The following GALNT13 variants were observed in gnomAD, a reference collection of about 807,000 sequenced individuals.
The protein encoded by GALNT13 is UDP-GalNAc:polypeptide N-acetylgalactosaminyltransferase 13.
GALNT13 carries 28 observed loss-of-function variants against 64.2 expected under a neutral mutation model. That is an observed-to-expected ratio of 0.44 (90% CI 0.32 to 0.60). The LOEUF (loss-of-function observed/expected upper bound fraction) is 0.60, where lower values mean the gene tolerates loss of function less well. Ranked by LOEUF, GALNT13 falls within the 20% of genes least tolerant of loss-of-function variation. GALNT13 has a pLI of 0.05. For synonymous variants in GALNT13, 214 were observed against 224.6 expected (o/e 0.95, Z 0.42); for missense variants, 577 against 669.8 (o/e 0.86, Z 1.53).
the GALNT13 span, among the ~76,000 whole-genome samples, chr2:153,418,646 A>G: frequency 6.6e-6 from 1 of 152,162 alleles, no homozygotes; most frequent in African/African-American, 2.4e-5. Flanking sequence ...CCTTGACAGG[A>G]GAAGATTTGG....
chr2:153,767,894 T>A, the GALNT13 span, among the ~76,000 whole-genome samples: 62,474 of 151,950 alleles, frequency 0.41, 14,868 homozygotes, highest in Middle Eastern at 0.56. Flanking sequence ...CTCTGATTAT[T>A]TAAGTGGTCT....
chr2:153,811,098 T>A, the GALNT13 span, among the ~76,000 whole-genome samples: 1 of 152,190 alleles, frequency 6.6e-6, no homozygotes. Flanking sequence ...GATATTTATG[T>A]TAGCTATTAT....
chr2:153,738,328 G>A, the GALNT13 span, among the ~76,000 whole-genome samples: 1 of 151,854 alleles, frequency 6.6e-6, no homozygotes, highest in African/African-American at 2.4e-5. Context: ...TGCTCCCCAT[G>A]TCCCAACATG....
intron 11 of GALNT13, among the ~76,000 whole-genome samples, chr2:154,418,881 A>G (rs1700137277): frequency 1.3e-5 from 2 of 152,194 alleles, no homozygotes; most frequent in Non-Finnish European, 2.9e-5. Flanking sequence ...TGATAGCTAG[A>G]AAGAGTGGAC....
intron 3 of GALNT13, among the ~76,000 whole-genome samples, chr2:154,108,154 G>T (rs67890982): frequency 0.19 from 28,689 of 147,768 alleles, 3,353 homozygotes; most frequent in Non-Finnish European, 0.27. Context: ...CTATTTTTTG[G>T]TTTTTTTTTT....
chr2:153,077,578 C>T, the GALNT13 span, among the ~76,000 whole-genome samples: 6 of 152,112 alleles, frequency 3.9e-5, no homozygotes, highest in South Asian at 4.1e-4. Context: ...TTGCTGCTTA[C>T]GACTAGCTGA....
chr2:153,755,218 G>T, the GALNT13 span, among the ~76,000 whole-genome samples: 1 of 152,096 alleles, frequency 6.6e-6, no homozygotes, highest in South Asian at 2.1e-4. Context: ...GTTTTTTAGT[G>T]TAGATAGTTG....
Position 154,217,793 on chromosome 2 carries a change from T to C in GALNT13, c.312-24237T>C, listed in dbSNP as rs77456438. 6.8e-3 allele frequency among the ~76,000 whole-genome samples: 1,030 copies of C among 152,214 alleles called. 8 individuals are homozygous for C. The highest frequency in any genetic ancestry group is 0.024 in the African/African-American group (996 of 41,548). ...GAAGTATATAAAGTGGGAAGTAAAA[T>C]GAAAAATATGCTGTCCTCACAAAAC... On this transcript the variant is annotated intron_variant, in intron 4 of 12. Transcript: ENST00000392825.
At chr2:154,268,620 C>T (rs906660448) in intron 8 of GALNT13, among the ~76,000 whole-genome samples, 3 of 151,732 alleles carry the variant, frequency 2.0e-5, no homozygotes, top group Non-Finnish European at 4.4e-5. Context: ...AAAACACACA[C>T]ACACAGAGAG....
the GALNT13 span, among the ~76,000 whole-genome samples, chr2:153,087,350 A>G: frequency 6.6e-6 from 1 of 152,114 alleles, no homozygotes; most frequent in African/African-American, 2.4e-5. Context: ...ATGGTGGATT[A>G]TCTTTTTGAT....
the GALNT13 span, among the ~76,000 whole-genome samples, chr2:153,487,124 C>T: frequency 1.3e-5 from 2 of 152,146 alleles, no homozygotes; most frequent in African/African-American, 4.8e-5. Flanking sequence ...AGGAGGAAAA[C>T]GAAATCTCTA....
the GALNT13 span, among the ~76,000 whole-genome samples, chr2:153,856,280 G>C: frequency 6.6e-6 from 1 of 152,092 alleles, no homozygotes; most frequent in African/African-American, 2.4e-5. Flanking sequence ...ATGACTGGTA[G>C]GTAGGCAGGT....
At chr2:154,060,845 A>C (rs1485682358) in intron 3 of GALNT13, among the ~76,000 whole-genome samples, 1 of 152,140 alleles carries the variant, frequency 6.6e-6, no homozygotes, top group Non-Finnish European at 1.5e-5. Context: ...CAATTAATAT[A>C]GTTCCTACAG....
intron 10 of GALNT13, among the ~76,000 whole-genome samples, chr2:154,407,401 A>G (rs889946946): frequency 6.6e-6 from 1 of 152,120 alleles, no homozygotes; most frequent in African/African-American, 2.4e-5. Flanking sequence ...AAAATAATTC[A>G]ACTTATATAA....
intron 9 of GALNT13, among the ~76,000 whole-genome samples, chr2:154,356,132 T>TA (rs780336092): frequency 1.3e-5 from 2 of 152,084 alleles, no homozygotes; most frequent in Non-Finnish European, 2.9e-5. Flanking sequence ...AGAAGTGGCT[T>TA]AAAATCTGTT....
intron 2 of GALNT13, among the ~76,000 whole-genome samples, chr2:153,919,878 G>T (rs560737959): frequency 6.0e-5 from 9 of 150,806 alleles, no homozygotes; most frequent in African/African-American, 2.2e-4. Flanking sequence ...GGAACAACTG[G>T]AGTTAACTGG....
chr2:153,436,078 GA>G, the GALNT13 span, among the ~76,000 whole-genome samples: 2 of 152,118 alleles, frequency 1.3e-5, no homozygotes, highest in South Asian at 4.1e-4. Context: ...TGCATCTATT[GA>G]GATAATCATG....
At chr2:154,333,757 C>A (rs1165552698) in intron 9 of GALNT13, among the ~76,000 whole-genome samples, 1 of 151,986 alleles carries the variant, frequency 6.6e-6, no homozygotes, top group Non-Finnish European at 1.5e-5. Context: ...AGGGAGTTGG[C>A]AGCTTATCCC....
intron 4 of GALNT13, among the ~76,000 whole-genome samples, chr2:154,207,519 G>C (rs1294476382): frequency 2.0e-5 from 3 of 152,126 alleles, no homozygotes; most frequent in Admixed American, 6.5e-5. Flanking sequence ...TGTAGGAGGA[G>C]TGAGTTAATA....
Sources: allele counts gnomAD v4.1 joint callset (sites outside exome capture counted in the v4.1 genomes callset), GRCh38; gene constraint gnomAD v4.1.1; transcripts MANE v1.5; gene names NCBI Gene and HGNC (gene_info 2026-07-23, HGNC 2026-07-21).